CBX3: variants seen among roughly 807,000 people sequenced by gnomAD.
CBX3 encodes chromobox protein homolog 3.
Under a neutral mutation model 22.6 loss-of-function variants are expected in CBX3, and 5 were observed. That is an observed-to-expected ratio of 0.22 (90% CI 0.12 to 0.47). The LOEUF is 0.47. CBX3 is among the 20% of genes least tolerant of loss of function. The pLI, the probability that CBX3 is intolerant of heterozygous loss-of-function variation, is 0.99. For synonymous variants in CBX3, 50 were observed against 66.6 expected (o/e 0.75, Z 1.21); for missense variants, 83 against 208.1 (o/e 0.40, Z 3.70).
rs1423501076 is a variant in CBX3 at position 26,213,236 on chromosome 7, A to G, written c.*1028A>G. On this transcript the variant is annotated 3_prime_UTR_variant, in exon 6 of 6. Transcript: ENST00000396386. ...AATCTTGAGTTTGCTTTACTGGTTC[A>G]GCAAAAGCCAGGAAGAACAACTTTG... 6.5e-6 allele frequency: 1 copy of G among 152,732 alleles called. No individual in the cohort carries two copies. Among genetic ancestry groups the G allele is most frequent in the Non-Finnish European group, 1.5e-5 (1 of 68,056 alleles). 9.5% of individuals were successfully genotyped at this position (152,732 alleles called of 1,614,324 possible).
chr7:26,202,678 C>G, intron 1 of CBX3: 1 of 356,470 alleles, frequency 2.8e-6, no homozygotes, highest in South Asian at 3.5e-5. Flanking sequence ...GGAACATGGA[C>G]TTTATTATAA....
chr7:26,202,972 A>G lies in CBX3; in HGVS notation c.-27A>G. 1 of 1,594,392 alleles carries G rather than the reference A, an allele frequency of 6.3e-7. No individual in the cohort carries two copies. Among genetic ancestry groups the G allele is most frequent in the Non-Finnish European group, 8.6e-7 (1 of 1,163,202 alleles). On this transcript the variant is annotated splice_region_variant and 5_prime_UTR_variant, in exon 2 of 6. The change creates a new upstream start codon in the 5' untranslated region. Transcript: ENST00000396386. Reference sequence around the variant, plus strand: ...CTTAACTGTCATGCATTTTTCTAGTAATAGCTCTTCAAGTCTGCAATAAAA... The same window carrying G: ...CTTAACTGTCATGCATTTTTCTAGTGATAGCTCTTCAAGTCTGCAATAAAA...
intron 3 of CBX3, among the ~76,000 whole-genome samples, chr7:26,207,489 A>T (rs1222232288): frequency 6.6e-6 from 1 of 152,122 alleles, no homozygotes; most frequent in Non-Finnish European, 1.5e-5. Context: ...CGTACTTCCC[A>T]TGTGCAGTGT....
At chr7:26,201,921 C>CCCCTT (rs1429046892) in intron 1 of CBX3, 95 bp downstream of exon 1, 1 of 152,064 alleles carries the variant, frequency 6.6e-6, no homozygotes, top group Admixed American at 6.6e-5. Flanking sequence ...CCCCTCCCCT[C>CCCCTT]CCCTTCTCGC....
At position 26,212,343 on chromosome 7, in the gene CBX3, T is replaced by G. The variant is rs1784820901; in HGVS notation, c.*135T>G. On this transcript the variant is annotated 3_prime_UTR_variant, in exon 6 of 6. Transcript: ENST00000396386. ...TGATATGTTTGTTTTGAAAGTAGCG[T>G]TGGAAGAGTTGTTGGGGGTTTTTTG... 1 of 523,092 alleles carries G rather than the reference T, an allele frequency of 1.9e-6. No individual in the cohort carries two copies. Among genetic ancestry groups the G allele is most frequent in the South Asian group, 9.8e-5 (1 of 10,162 alleles). The allele number at this position is 523,092 out of a possible 1,614,324, so 32.4% of individuals were successfully genotyped here.
chr7:26,202,189 C>CGGCGCGA (rs1003327754), intron 1 of CBX3: 4 of 151,874 alleles, frequency 2.6e-5, no homozygotes, highest in Admixed American at 1.3e-4. Context: ...TCCCGGAGGG[C>CGGCGCGA]GGCGCGTGGT....
chr7:26,204,594 C>T (rs1312698038), intron 2 of CBX3, among the ~76,000 whole-genome samples: 1 of 152,146 alleles, frequency 6.6e-6, no homozygotes. Flanking sequence ...GCTTGCATAG[C>T]TTGAAATGCC....
chr7:26,202,692 G>A (rs1784569985), intron 1 of CBX3: 1 of 387,086 alleles, frequency 2.6e-6, no homozygotes, highest in Non-Finnish European at 4.6e-6. Context: ...ATTATAAATG[G>A]GACTTAGATT....
intron 3 of CBX3, 120 bp from the exon 4 acceptor site, chr7:26,208,273 A>T: frequency 1.5e-6 from 1 of 657,190 alleles, no homozygotes; most frequent in Non-Finnish European, 2.4e-6. Flanking sequence ...GGAAATGATT[A>T]GTATCTGCAG....
At chr7:26,202,002 C>G (rs1297906293) in intron 1 of CBX3, 176 bp downstream of exon 1, 1 of 151,894 alleles carries the variant, frequency 6.6e-6, no homozygotes, top group Non-Finnish European at 1.5e-5. Context: ...GCCTGGCGCG[C>G]GGCCAGCGCC....
At chr7:26,203,476 T>C (rs1457641916) in intron 2 of CBX3, among the ~76,000 whole-genome samples, 1 of 152,194 alleles carries the variant, frequency 6.6e-6, no homozygotes, top group East Asian at 1.9e-4. Context: ...TCAAATTACT[T>C]TGGTCACTTT....
intron 4 of CBX3, among the ~76,000 whole-genome samples, chr7:26,210,802 A>G (rs908627903): frequency 1.3e-5 from 2 of 152,172 alleles, no homozygotes; most frequent in African/African-American, 4.8e-5. Context: ...TTTTACTTAA[A>G]CACATTTGAT....
upstream of CBX3, chr7:26,201,653 G>A (rs1303757836): frequency 1.4e-5 from 2 of 140,892 alleles, no homozygotes; most frequent in Non-Finnish European, 3.1e-5. Flanking sequence ...CGCCGGGCGC[G>A]CGCCCGCTGC....
intron 3 of CBX3, among the ~76,000 whole-genome samples, chr7:26,207,095 T>C (rs752492330): frequency 6.6e-6 from 1 of 152,196 alleles, no homozygotes; most frequent in Non-Finnish European, 1.5e-5. Flanking sequence ...GTTGTGCTTA[T>C]CTGCTTTGAT....
rs150070836 is a variant in CBX3, at chr7:26,211,879, T to C, written c.425+123T>C. The C allele has an allele frequency of 7.8e-3, 6,818 of 869,788 alleles. 40 individuals carry two copies. The highest frequency in any genetic ancestry group is 9.1e-3 in the Non-Finnish European group (5,225 of 576,182). 53.9% of individuals were successfully genotyped at this position (869,788 alleles called of 1,614,324 possible). ...GCTGAGAGGATGATTCTGGTTACTT[T>C]TACTAGTAGTGTTTTAAAGCAAGGG... On this transcript the variant is annotated intron_variant, in intron 5 of 5. Coordinates refer to ENST00000396386, the MANE Select transcript of CBX3 (RefSeq NM_016587.4).
In CBX3 at chr7:26,208,515, G is replaced by A. The variant is rs1377513957; in HGVS notation, c.290G>A (p.Ser97Asn). The A allele has an allele frequency of 1.2e-6, 2 of 1,613,776 alleles. No homozygotes were observed. Among genetic ancestry groups the A allele is most frequent in the East Asian group, 2.2e-5 (1 of 44,886 alleles). The change falls in exon 4 of 6, where the codon AGT (serine) becomes AAT (asparagine). Residue 97 changes from serine (S) to asparagine (N), a missense_variant. By Grantham distance (46) the Ser-to-Asn change is conservative. This residue lies in a region of CBX3 where 59 missense variants were observed against 155.0 expected (regional missense o/e 0.38). Transcript: ENST00000396386. ...DGTKRKSLSD[S>N]ESDDSKSKKK... is the part of the protein sequence containing the mutation. ...ACAAAAAGAAAATCTTTATCTGACAGTGAATCTGATGACAGCAAATCAAAG... is the reference window on the plus strand; with the variant it reads ...ACAAAAAGAAAATCTTTATCTGACAATGAATCTGATGACAGCAAATCAAAG...
At chr7:26,206,649 A>G in intron 3 of CBX3, 139 bp downstream of exon 3, 1 of 785,448 alleles carries the variant, frequency 1.3e-6, no homozygotes. Context: ...TAGGTGTCTC[A>G]TTTGAGGTCT....
intron 3 of CBX3, among the ~76,000 whole-genome samples, chr7:26,207,939 A>C (rs113950013): frequency 1.2e-4 from 18 of 151,798 alleles, no homozygotes; most frequent in African/African-American, 4.1e-4. Context: ...GCCTGGGTGC[A>C]GTGGCTCACA....
intron 5 of CBX3, 58 bp downstream of exon 5, chr7:26,211,814 G>C: frequency 8.0e-7 from 1 of 1,242,412 alleles, no homozygotes; most frequent in Non-Finnish European, 1.1e-6. Flanking sequence ...TTTTTAATTT[G>C]TGAAATGGTT....
Sources: allele counts gnomAD v4.1 joint callset (sites outside exome capture counted in the v4.1 genomes callset), GRCh38; gene constraint gnomAD v4.1.1; regional missense constraint gnomAD v4.1.1; transcripts MANE v1.5; gene names NCBI Gene and HGNC (gene_info 2026-07-23, HGNC 2026-07-21).